JARID2: variants seen among roughly 807,000 people sequenced by gnomAD.
The protein encoded by JARID2 is protein Jumonji.
A neutral mutation model predicts 125.6 loss-of-function variants in JARID2; 21 were observed. The ratio of observed to expected loss-of-function variants is 0.17; its 90% CI spans 0.12 to 0.24. The LOEUF (loss-of-function observed/expected upper bound fraction) is 0.24. Among genes scored for constraint, JARID2 ranks in the 10% least tolerant of loss-of-function variants. JARID2 has a pLI of 1.00. For missense variants in JARID2, 1,303 were observed against 1,639.6 expected (o/e 0.79, Z 3.55); for synonymous variants, 736 against 661.6 (o/e 1.11, Z -1.73).
intron 1 of JARID2, among the ~76,000 whole-genome samples, chr6:15,260,895 C>CAT (rs1329404158): frequency 1.3e-5 from 2 of 152,226 alleles, no homozygotes; most frequent in Non-Finnish European, 2.9e-5. Flanking sequence ...CCAACACTGA[C>CAT]ATACCCCAGG....
intron 2 of JARID2, among the ~76,000 whole-genome samples, chr6:15,379,032 T>C (rs1297714248): frequency 6.6e-6 from 1 of 152,210 alleles, no homozygotes; most frequent in East Asian, 1.9e-4. Context: ...TGAGCTCAGC[T>C]GCCCTGGTTC....
chr6:15,273,370 A>G (rs1760374354), intron 1 of JARID2, among the ~76,000 whole-genome samples: 1 of 152,222 alleles, frequency 6.6e-6, no homozygotes, highest in Admixed American at 6.5e-5. Context: ...CTATAAAACC[A>G]AGGGAATGAT....
rs547780472 is a variant in JARID2 at position 15,473,315 on chromosome 6, G to A, written c.670+4597G>A. ...TCTGAAAGATAGCACAGATGAACAC[G>A]GCAATAGGATCTACCCACAAGGAGC... On this transcript the variant is annotated intron_variant, in intron 5 of 17. Transcript: ENST00000341776. Among the ~76,000 whole-genome samples, 11 of 152,224 alleles carry A rather than the reference G, an allele frequency of 7.2e-5. No homozygotes were observed. In the East Asian group the frequency reaches 7.7e-4, roughly 11 times the overall value.
chr6:15,419,144 C>T (rs1766371544), intron 3 of JARID2, among the ~76,000 whole-genome samples: 3 of 152,124 alleles, frequency 2.0e-5, no homozygotes, highest in Admixed American at 2.0e-4. Flanking sequence ...AAACAATCAG[C>T]AAAAGGCTTA....
chr6:15,508,700 C>T (rs1771125105), intron 12 of JARID2, among the ~76,000 whole-genome samples: 2 of 152,208 alleles, frequency 1.3e-5, no homozygotes, highest in South Asian at 2.1e-4. Context: ...TTTTCATATG[C>T]TTAGTGGCCA....
intron 2 of JARID2, among the ~76,000 whole-genome samples, chr6:15,385,746 G>T (rs894126935): frequency 6.6e-6 from 1 of 152,130 alleles, no homozygotes; most frequent in African/African-American, 2.4e-5. Context: ...AGCACCTCTT[G>T]TTGCCATGCT....
chr6:15,278,541 G>A (rs935069945), intron 1 of JARID2, among the ~76,000 whole-genome samples: 14 of 152,048 alleles, frequency 9.2e-5, no homozygotes, highest in Admixed American at 3.9e-4. Flanking sequence ...AGCCGAGATC[G>A]CGCCACTGCA....
chr6:15,445,603 T>A (rs1767639282), intron 3 of JARID2, among the ~76,000 whole-genome samples: 1 of 152,146 alleles, frequency 6.6e-6, no homozygotes, highest in Non-Finnish European at 1.5e-5. Flanking sequence ...GTACAAATAC[T>A]CTCTGATGTA....
At chr6:15,348,157 T>C (rs1034248180) in intron 1 of JARID2, among the ~76,000 whole-genome samples, 1 of 151,822 alleles carries the variant, frequency 6.6e-6, no homozygotes, top group African/African-American at 2.4e-5. Context: ...AGTGGTGTGA[T>C]CTCGGCTCAC....
At chr6:15,352,090 AAGGG>A (rs1239260003) in intron 1 of JARID2, among the ~76,000 whole-genome samples, 1 of 152,120 alleles carries the variant, frequency 6.6e-6, no homozygotes, top group African/African-American at 2.4e-5. Context: ...TGTCCGACGT[AAGGG>A]AGGAACACAG....
intron 6 of JARID2, among the ~76,000 whole-genome samples, chr6:15,495,101 G>T (rs1207205931): frequency 1.3e-5 from 2 of 152,228 alleles, no homozygotes; most frequent in African/African-American, 4.8e-5. Context: ...TGATGGGGCA[G>T]TGGCCACATT....
intron 1 of JARID2, chr6:15,369,408 A>C (rs888784615): frequency 2.7e-6 from 1 of 373,602 alleles, no homozygotes; most frequent in African/African-American, 2.1e-5. Context: ...GTAATCCTGC[A>C]GTTTAAAAGG....
intron 5 of JARID2, among the ~76,000 whole-genome samples, chr6:15,472,711 C>T: frequency 6.6e-6 from 1 of 152,104 alleles, no homozygotes; most frequent in East Asian, 1.9e-4. Context: ...TTAGATCTGT[C>T]CAGACTGCAG....
At chr6:15,304,303 T>TCCCCTCC (rs1761736563) in intron 1 of JARID2, among the ~76,000 whole-genome samples, 1 of 26,716 alleles carries the variant, frequency 3.7e-5, no homozygotes, top group African/African-American at 1.3e-4. Flanking sequence ...AATTTGCTGA[T>TCCCCTCC]CCCCCCCCCC....
At chr6:15,399,106 T>G (rs1765325414) in intron 2 of JARID2, among the ~76,000 whole-genome samples, 1 of 152,186 alleles carries the variant, frequency 6.6e-6, no homozygotes, top group African/African-American at 2.4e-5. Flanking sequence ...TGGGGTGCAT[T>G]CCAAACACTT....
intron 5 of JARID2, among the ~76,000 whole-genome samples, chr6:15,472,182 G>C (rs1052556023): frequency 2.6e-5 from 4 of 151,344 alleles, no homozygotes; most frequent in Non-Finnish European, 5.9e-5. Flanking sequence ...TGGAATGAGT[G>C]GTCTTGGGTA....
At chr6:15,361,460 A>G (rs1444209434) in intron 1 of JARID2, among the ~76,000 whole-genome samples, 1 of 152,198 alleles carries the variant, frequency 6.6e-6, no homozygotes, top group Non-Finnish European at 1.5e-5. Flanking sequence ...TAAATGGTAA[A>G]TTTCTACATA....
At chr6:15,413,008 G>GTTTTTTTTTTTTCTTT (rs1765959656) in intron 3 of JARID2, among the ~76,000 whole-genome samples, 1 of 47,474 alleles carries the variant, frequency 2.1e-5, no homozygotes, top group East Asian at 5.4e-4. Flanking sequence ...TTGTGTTTTT[G>GTTTTTTTTTTTTCTTT]TTTTTTTTTT....
chr6:15,483,221 C>T (rs1199704173), intron 5 of JARID2, among the ~76,000 whole-genome samples: 1 of 152,192 alleles, frequency 6.6e-6, no homozygotes, highest in East Asian at 1.9e-4. Flanking sequence ...TGCACAATCA[C>T]ACAAGTGCTT....
Sources: allele counts gnomAD v4.1 joint callset (sites outside exome capture counted in the v4.1 genomes callset), GRCh38; gene constraint gnomAD v4.1.1; transcripts MANE v1.5; gene names NCBI Gene and HGNC (gene_info 2026-07-23, HGNC 2026-07-21).